Variants in BZW2 observed in about 807,000 individuals in gnomAD.
The protein encoded by BZW2 is eIF5-mimic protein 1.
Under a neutral mutation model 53.2 loss-of-function variants are expected in BZW2, and 23 were observed. That is an observed-to-expected ratio of 0.43 (90% CI 0.31 to 0.61). The LOEUF is 0.61. BZW2 is among the 20% of genes least tolerant of loss of function. The pLI is 0.09. For synonymous variants in BZW2, 227 were observed against 186.4 expected (o/e 1.22, Z -1.77); for missense variants, 409 against 503.1 (o/e 0.81, Z 1.79).
intron 9 of BZW2, 138 bp from the exon 10 acceptor site, chr7:16,697,910 C>T: frequency 1.9e-6 from 2 of 1,055,396 alleles, no homozygotes; most frequent in Non-Finnish European, 2.7e-6. Context: ...CCATTGGGCA[C>T]AATATGATGA....
intron 7 of BZW2, among the ~76,000 whole-genome samples, chr7:16,691,330 CAA>C (rs556115340): frequency 1.3e-5 from 2 of 152,130 alleles, no homozygotes; most frequent in African/African-American, 4.8e-5. Context: ...TAAACAGAAG[CAA>C]AAGTCACAGA....
At chr7:16,685,864 C>CTTTTTCT (rs1783100560) in intron 5 of BZW2, 41 bp from the exon 6 acceptor site, 1 of 1,448,834 alleles carries the variant, frequency 6.9e-7, no homozygotes, top group Non-Finnish European at 9.0e-7. Context: ...CTTTTTTTTT[C>CTTTTTCT]TTTTTCTTTT....
chr7:16,684,389 G>T (rs1008510953), intron 5 of BZW2, among the ~76,000 whole-genome samples: 1 of 152,108 alleles, frequency 6.6e-6, no homozygotes. Context: ...AGCATATAAT[G>T]CAGTAAAAAA....
chr7:16,674,842 C>T (rs1212728939), intron 3 of BZW2, among the ~76,000 whole-genome samples: 1 of 152,132 alleles, frequency 6.6e-6, no homozygotes, highest in Non-Finnish European at 1.5e-5. Flanking sequence ...CTTTGCTTCT[C>T]CTAAAAGCCG....
intron 3 of BZW2, among the ~76,000 whole-genome samples, chr7:16,677,269 A>C (rs1180580128): frequency 1.3e-5 from 2 of 152,054 alleles, no homozygotes; most frequent in Non-Finnish European, 2.9e-5. Flanking sequence ...AGCTCTCTTT[A>C]CTACCTGATT....
rs537849237 is a variant in BZW2, at chr7:16,698,143, T to C, written c.1065T>C (p.His355=). 17 of 1,614,220 alleles carry C rather than the reference T, an allele frequency of 1.1e-5. No homozygotes were observed. The South Asian group carries it at 1.8e-4, about 17-fold the overall frequency. Residue 355 remains histidine, a synonymous_variant, in exon 10 of 12, where the codon CAT becomes CAC. Coordinates refer to ENST00000258761, the MANE Select transcript of BZW2 (RefSeq NM_014038.3). ...KVQEYCYDNI[H]FMKAFQKIVV... ...AGGAATACTGCTACGACAACATCCA[T>C]TTCATGAAAGCCTTTCAGAAGATTG...
rs2128354398 is a variant in BZW2, at chr7:16,665,367, T to G, written c.-7-70T>G. On this transcript the variant is annotated intron_variant, in intron 1 of 11. Coordinates refer to ENST00000258761, the MANE Select transcript of BZW2 (RefSeq NM_014038.3). ...AGGTTGAACATATGTTCAACCAAACTTATTGGCCATATGTTTTCCATATAA... is the reference window on the plus strand; with the variant it reads ...AGGTTGAACATATGTTCAACCAAACGTATTGGCCATATGTTTTCCATATAA... The G allele has an allele frequency of 1.9e-6, 3 of 1,578,436 alleles. No individual in the cohort carries two copies. The East Asian group carries it at 6.7e-5, about 35-fold the overall frequency.
At chr7:16,665,737 G>T (rs1464992501) in intron 2 of BZW2, among the ~76,000 whole-genome samples, 2 of 152,124 alleles carry the variant, frequency 1.3e-5, no homozygotes, top group Non-Finnish European at 2.9e-5. Flanking sequence ...AGATATCTCT[G>T]TTCAGGTTGT....
intron 7 of BZW2, among the ~76,000 whole-genome samples, chr7:16,690,804 T>C (rs567533721): frequency 6.6e-6 from 1 of 152,368 alleles, no homozygotes; most frequent in East Asian, 1.9e-4. Flanking sequence ...TTGTAATTTC[T>C]ATCTGCTCCC....
chr7:16,647,886 A>G (rs987869384), intron 1 of BZW2, among the ~76,000 whole-genome samples: 4 of 152,206 alleles, frequency 2.6e-5, no homozygotes, highest in African/African-American at 9.7e-5. Flanking sequence ...AATCTGGGCC[A>G]TGGTTACTTG....
At chr7:16,695,029 C>T in intron 8 of BZW2, 25 bp downstream of exon 8, 1 of 1,523,412 alleles carries the variant, frequency 6.6e-7, no homozygotes, top group East Asian at 2.3e-5. Context: ...GCAGACATCA[C>T]CTCAATACAC....
intron 11 of BZW2, 141 bp from the exon 12 acceptor site, chr7:16,705,919 G>A: frequency 1.1e-6 from 1 of 906,548 alleles, no homozygotes; most frequent in Non-Finnish European, 1.7e-6. Context: ...GCCCTCATGT[G>A]ACTATTTTAC....
At chr7:16,685,571 A>G (rs953987576) in intron 5 of BZW2, among the ~76,000 whole-genome samples, 5 of 152,198 alleles carry the variant, frequency 3.3e-5, no homozygotes, top group African/African-American at 4.8e-5. Context: ...CATGTCCATC[A>G]TGTATACTTA....
chr7:16,668,583 G>T (rs1782503940), intron 2 of BZW2, among the ~76,000 whole-genome samples: 1 of 152,154 alleles, frequency 6.6e-6, no homozygotes, highest in Non-Finnish European at 1.5e-5. Flanking sequence ...CTATTATGAA[G>T]GGGCTGACAT....
At chr7:16,649,177 T>C (rs1054800435) in intron 1 of BZW2, among the ~76,000 whole-genome samples, 2 of 152,190 alleles carry the variant, frequency 1.3e-5, no homozygotes, top group African/African-American at 2.4e-5. Context: ...CTATTATAGT[T>C]ATTATTAATC....
At chr7:16,662,181 C>G (rs1782286397) in intron 1 of BZW2, 2 of 151,998 alleles carry the variant, frequency 1.3e-5, no homozygotes, top group South Asian at 2.1e-4. Flanking sequence ...GGCCTCTGCT[C>G]CAAATAGTAA....
chr7:16,677,267 T>A (rs1782795225), intron 3 of BZW2, among the ~76,000 whole-genome samples: 1 of 152,182 alleles, frequency 6.6e-6, no homozygotes, highest in Non-Finnish European at 1.5e-5. Context: ...TGAGCTCTCT[T>A]TACTACCTGA....
intron 1 of BZW2, among the ~76,000 whole-genome samples, chr7:16,656,226 C>G (rs779545726): frequency 5.9e-5 from 9 of 151,734 alleles, no homozygotes; most frequent in African/African-American, 9.7e-5. Context: ...TTTAATTCTC[C>G]TGGAACAGTT....
At chr7:16,689,506 T>C (rs1324821830) in intron 6 of BZW2, among the ~76,000 whole-genome samples, 1 of 152,158 alleles carries the variant, frequency 6.6e-6, no homozygotes, top group African/African-American at 2.4e-5. Context: ...AGATACTGGG[T>C]GTGAAATATG....
Sources: allele counts gnomAD v4.1 joint callset (sites outside exome capture counted in the v4.1 genomes callset), GRCh38; gene constraint gnomAD v4.1.1; transcripts MANE v1.5; gene names NCBI Gene and HGNC (gene_info 2026-07-23, HGNC 2026-07-21).